SPEF2: variants seen among roughly 807,000 people sequenced by gnomAD.
SPEF2 encodes the protein sperm flagellar and cilia associated 2, also known as sperm flagella and cilia-associated protein 2.
A neutral mutation model predicts 224.6 loss-of-function variants in SPEF2; 187 were observed. That is an observed-to-expected ratio of 0.83 (90% CI 0.74 to 0.94). The LOEUF (loss-of-function observed/expected upper bound fraction) is 0.94. Among genes scored for constraint, SPEF2 ranks in the 40% least tolerant of loss-of-function variants. SPEF2 has a pLI of 0.00. For synonymous variants in SPEF2, 715 were observed against 707.3 expected (o/e 1.01, Z -0.17); for missense variants, 2,170 against 2,135.6 (o/e 1.02, Z -0.32).
At chr5:35,728,814 T>C (rs1014928374) in intron 21 of SPEF2, among the ~76,000 whole-genome samples, 5 of 152,080 alleles carry the variant, frequency 3.3e-5, no homozygotes, top group Non-Finnish European at 5.9e-5. Context: ...GATATAATTA[T>C]GGAGGTATGT....
chr5:35,803,532 C>G (rs1580796151), intron 34 of SPEF2, among the ~76,000 whole-genome samples: 1 of 152,132 alleles, frequency 6.6e-6, no homozygotes. Context: ...ACACAGGGCT[C>G]TCTCTCACAC....
intron 34 of SPEF2, among the ~76,000 whole-genome samples, chr5:35,805,611 T>C (rs1042207693): frequency 6.6e-6 from 1 of 152,138 alleles, no homozygotes; most frequent in Non-Finnish European, 1.5e-5. Context: ...TATCAAATAT[T>C]GAAACATACA....
intron 18 of SPEF2, among the ~76,000 whole-genome samples, chr5:35,706,337 A>G (rs9292603): frequency 0.54 from 81,311 of 151,528 alleles, 22,248 homozygotes; most frequent in African/African-American, 0.56. Flanking sequence ...TTAATTATAT[A>G]TTAACTTGCT....
intron 10 of SPEF2, among the ~76,000 whole-genome samples, chr5:35,689,848 T>G (rs1458046992): frequency 6.6e-6 from 1 of 152,188 alleles, no homozygotes; most frequent in Non-Finnish European, 1.5e-5. Context: ...TTTTTTCCTA[T>G]TATGTTACAA....
At chr5:35,757,371 A>C (rs1478616755) in intron 24 of SPEF2, among the ~76,000 whole-genome samples, 1 of 152,148 alleles carries the variant, frequency 6.6e-6, no homozygotes, top group African/African-American at 2.4e-5. Flanking sequence ...AGCTCTACTA[A>C]ACCTAATCAT....
At chr5:35,653,846 C>G (rs1377632888) in intron 6 of SPEF2, among the ~76,000 whole-genome samples, 3 of 149,224 alleles carry the variant, frequency 2.0e-5, no homozygotes, top group African/African-American at 7.4e-5. Flanking sequence ...ACTCGGGAGG[C>G]TGAGGCAGGA....
chr5:35,706,648 A>G (rs1215375000), intron 18 of SPEF2, among the ~76,000 whole-genome samples: 4 of 152,162 alleles, frequency 2.6e-5, no homozygotes, highest in East Asian at 1.9e-4. Context: ...CCTTGATAGC[A>G]TACTGTCTCC....
chr5:35,791,148 A>G (rs1755894612), intron 30 of SPEF2: 1 of 152,226 alleles, frequency 6.6e-6, no homozygotes, highest in South Asian at 2.1e-4. Flanking sequence ...ATAGGATCTT[A>G]TAAACCTCAG....
rs149043842 is a variant in SPEF2, at chr5:35,641,546, G to A, written c.277G>A (p.Ala93Thr). The change falls in exon 3 of 37, where the codon GCA becomes ACA. Residue 93 changes from alanine (A) to threonine (T), a missense_variant. Transcript: ENST00000356031. ...HGIITEKPGV[A>T]TKLLYQLYIA... ...CATCATCACAGAAAAGCCTGGGGTGGCAACAAAGCTGTTATATCAATTGTA... is the reference window on the plus strand; with the variant it reads ...CATCATCACAGAAAAGCCTGGGGTGACAACAAAGCTGTTATATCAATTGTA... 860 of 1,613,772 alleles carry A rather than the reference G, an allele frequency of 5.3e-4. 1 individual carries two copies. The highest frequency in any genetic ancestry group is 1.8e-3 in the East Asian group (82 of 44,856).
At chr5:35,807,396 A>G in intron 36 of SPEF2, 143 bp downstream of exon 36, 4 of 1,292,468 alleles carry the variant, frequency 3.1e-6, no homozygotes, top group Admixed American at 2.3e-5. Context: ...CTAAGCTGGT[A>G]ATCACATCAG....
rs542655739 is a variant in SPEF2 at position 35,767,034 on chromosome 5, T to C, written c.3801+3332T>C. 4.0e-5 allele frequency among the ~76,000 whole-genome samples: 6 copies of C among 151,894 alleles called. No individual in the cohort carries two copies. In the East Asian group the frequency reaches 9.6e-4, roughly 24 times the overall value. On this transcript the variant is annotated intron_variant, in intron 26 of 36. Coordinates refer to ENST00000356031, the MANE Select transcript of SPEF2 (RefSeq NM_024867.4). ...GTTTAGTGTACATATTGCACTTCAT[T>C]GTTTATATACAAATATTTTGATATA...
intron 34 of SPEF2, among the ~76,000 whole-genome samples, chr5:35,805,257 C>T (rs1055662190): frequency 6.6e-6 from 1 of 151,996 alleles, no homozygotes; most frequent in African/African-American, 2.4e-5. Context: ...GATATAGAGA[C>T]CCAACTAAGG....
chr5:35,659,897 GA>G (rs34164245), intron 8 of SPEF2, among the ~76,000 whole-genome samples: 2,645 of 133,938 alleles, frequency 0.02, 31 homozygotes, highest in South Asian at 0.06. Context: ...CTTGCCTTCT[GA>G]AAAAAAAAAA....
chr5:35,634,206 A>G (rs1191782578), intron 2 of SPEF2, among the ~76,000 whole-genome samples: 1 of 152,082 alleles, frequency 6.6e-6, no homozygotes, highest in Non-Finnish European at 1.5e-5. Context: ...TAGGGCAGCT[A>G]TGTTAACAAT....
intron 10 of SPEF2, among the ~76,000 whole-genome samples, chr5:35,679,722 T>C (rs568451445): frequency 3.3e-5 from 5 of 152,148 alleles, no homozygotes; most frequent in African/African-American, 7.2e-5. Flanking sequence ...TCAGCCCAGG[T>C]GCTTGGATTT....
chr5:35,781,316 C>T (rs1367457486), intron 30 of SPEF2: 1 of 152,096 alleles, frequency 6.6e-6, no homozygotes, highest in African/African-American at 2.4e-5. Context: ...GAATGCAAAG[C>T]ATCAGTGTGC....
chr5:35,644,675 T>C, intron 4 of SPEF2, 150 bp downstream of exon 4: 1 of 507,266 alleles, frequency 2.0e-6, no homozygotes. Flanking sequence ...TCACCCTTTC[T>C]CTCTCTCCCC....
At chr5:35,622,378 G>A (rs528659257) in intron 1 of SPEF2, among the ~76,000 whole-genome samples, 1 of 152,192 alleles carries the variant, frequency 6.6e-6, no homozygotes, top group South Asian at 2.1e-4. Context: ...AAATCCCATT[G>A]AATATTTATT....
intron 23 of SPEF2, among the ~76,000 whole-genome samples, chr5:35,743,243 A>G (rs1229809965): frequency 6.6e-6 from 1 of 152,074 alleles, no homozygotes; most frequent in Admixed American, 6.6e-5. Context: ...GAAAGGAGAA[A>G]GGAATTAATG....
Sources: allele counts gnomAD v4.1 joint callset (sites outside exome capture counted in the v4.1 genomes callset), GRCh38; gene constraint gnomAD v4.1.1; transcripts MANE v1.5; gene names NCBI Gene and HGNC (gene_info 2026-07-23, HGNC 2026-07-21).